RALGPS2: variants seen among roughly 807,000 people sequenced by gnomAD.
RALGPS2 encodes the protein ras-specific guanine nucleotide-releasing factor RalGPS2.
RALGPS2 carries 43 observed loss-of-function variants against 86.8 expected under a neutral mutation model. The observed-to-expected ratio is 0.50, with a 90% CI of 0.39 to 0.64. The LOEUF is 0.64. Among genes scored for constraint, RALGPS2 ranks in the 30% least tolerant of loss-of-function variants. The pLI, the probability that RALGPS2 is intolerant of heterozygous loss-of-function variation, is 0.00. For missense variants in RALGPS2, 536 were observed against 694.6 expected, an observed-to-expected ratio of 0.77 and a Z score of 2.57; for synonymous variants, 243 against 231.3, an observed-to-expected ratio of 1.05 and a Z score of -0.46.
intron 1 of RALGPS2, among the ~76,000 whole-genome samples, chr1:178,729,750 T>C (rs893456153): frequency 1.3e-5 from 2 of 152,198 alleles, no homozygotes; most frequent in Non-Finnish European, 2.9e-5. Flanking sequence ...TTCAACAAAA[T>C]TTGAAATCTG....
At chr1:178,834,302 G>A (rs1029742071) in intron 8 of RALGPS2, among the ~76,000 whole-genome samples, 1 of 152,078 alleles carries the variant, frequency 6.6e-6, no homozygotes, top group Non-Finnish European at 1.5e-5. Context: ...TGAAGATTTG[G>A]TGCTTTCTGG....
Position 178,889,683 on chromosome 1 carries a change from C to T in RALGPS2, c.1234C>T (p.Pro412Ser). 1 of 1,605,160 alleles carries T rather than the reference C, an allele frequency of 6.2e-7. No homozygotes were observed. Among genetic ancestry groups the T allele is most frequent in the Non-Finnish European group, 8.5e-7 (1 of 1,174,952 alleles). The change falls in exon 14 of 20, where the codon CCT becomes TCT. Residue 412 changes from proline to serine, a missense_variant. Coordinates refer to ENST00000367635, the MANE Select transcript of RALGPS2 (RefSeq NM_152663.5). ...TGAACTAAGTGAAGAGACCTCATGG[C>T]CTGCTTTTGAAAGGTAAGATAAATT... ...GSELSEETSWPAFERNRLYHS... is the reference protein window; with the variant it reads ...GSELSEETSWSAFERNRLYHS...
chr1:178,727,228 C>T (rs905536506), intron 1 of RALGPS2, among the ~76,000 whole-genome samples: 2 of 150,900 alleles, frequency 1.3e-5, no homozygotes, highest in African/African-American at 2.5e-5. Context: ...CATTATATTC[C>T]ACTTTTTTTT....
intron 8 of RALGPS2, among the ~76,000 whole-genome samples, chr1:178,837,245 C>T (rs886179098): frequency 1.3e-5 from 2 of 152,036 alleles, no homozygotes; most frequent in African/African-American, 4.8e-5. Context: ...TCCCTGGGGC[C>T]GTCTAACATT....
chr1:178,750,058 C>T (rs1651567237), intron 1 of RALGPS2, among the ~76,000 whole-genome samples: 1 of 152,120 alleles, frequency 6.6e-6, no homozygotes. Flanking sequence ...TTACAGTGAG[C>T]CAGTATCACG....
chr1:178,774,788 C>T (rs572899948), intron 1 of RALGPS2, among the ~76,000 whole-genome samples: 12 of 152,234 alleles, frequency 7.9e-5, no homozygotes, highest in Admixed American at 7.2e-4. Context: ...AATCCTAGCA[C>T]GATGTTCTGC....
chr1:178,875,439 G>A (rs908791102), intron 8 of RALGPS2, among the ~76,000 whole-genome samples: 1 of 152,120 alleles, frequency 6.6e-6, no homozygotes, highest in African/African-American at 2.4e-5. Context: ...TGTTTTATAA[G>A]TAGGGGAGAT....
chr1:178,830,904 GA>G (rs890696376), intron 7 of RALGPS2, among the ~76,000 whole-genome samples: 1 of 151,226 alleles, frequency 6.6e-6, no homozygotes, highest in Admixed American at 6.6e-5. Flanking sequence ...AACGAAAAAA[GA>G]AAAAAAATAG....
intron 4 of RALGPS2, among the ~76,000 whole-genome samples, chr1:178,804,038 T>C (rs887419826): frequency 6.6e-6 from 1 of 151,784 alleles, no homozygotes; most frequent in African/African-American, 2.4e-5. Flanking sequence ...TCTTAACTGT[T>C]TCCTCAATCT....
chr1:178,863,836 G>A (rs1402199135), intron 8 of RALGPS2, among the ~76,000 whole-genome samples: 4 of 152,200 alleles, frequency 2.6e-5, no homozygotes, highest in Non-Finnish European at 5.9e-5. Flanking sequence ...GCTGTGAATA[G>A]CGAAGTGGTA....
intron 1 of RALGPS2, among the ~76,000 whole-genome samples, chr1:178,751,718 A>G (rs1454678932): frequency 6.6e-6 from 1 of 152,202 alleles, no homozygotes; most frequent in African/African-American, 2.4e-5. Context: ...GTGTATCTTC[A>G]GAGACCTAGT....
rs1335453365 is a variant in RALGPS2 at position 178,776,685 on chromosome 1, T to C, written c.-80T>C. The C allele has an allele frequency of 6.2e-6, 6 of 974,676 alleles. No homozygotes were observed. Among genetic ancestry groups the C allele is most frequent in the Non-Finnish European group, 9.0e-6 (6 of 663,022 alleles). 60.4% of individuals were successfully genotyped at this position (974,676 alleles called of 1,614,324 possible). On this transcript the variant is annotated 5_prime_UTR_variant, in exon 2 of 20. Transcript: ENST00000367635. Reference sequence around the variant, plus strand: ...TAACTTTTTTTTTTTTTTACAGGAATAATGTATTTGTGGCCTTGGACATGA... The same window carrying C: ...TAACTTTTTTTTTTTTTTACAGGAACAATGTATTTGTGGCCTTGGACATGA...
chr1:178,805,552 T>C (rs1386858519), intron 4 of RALGPS2, among the ~76,000 whole-genome samples: 6 of 152,110 alleles, frequency 3.9e-5, no homozygotes, highest in Admixed American at 1.3e-4. Context: ...TCCCCATTGC[T>C]TGTTTTTCTC....
chr1:178,900,426 A>G (rs1485804267), intron 17 of RALGPS2, among the ~76,000 whole-genome samples: 1 of 151,930 alleles, frequency 6.6e-6, no homozygotes, highest in Non-Finnish European at 1.5e-5. Context: ...ATTGGTCATG[A>G]TATGGGGAAA....
At chr1:178,774,705 C>G (rs1652991908) in intron 1 of RALGPS2, among the ~76,000 whole-genome samples, 1 of 152,130 alleles carries the variant, frequency 6.6e-6, no homozygotes, top group Non-Finnish European at 1.5e-5. Context: ...TATTCATTTT[C>G]ACGTTGATTT....
chr1:178,808,581 T>C (rs1414163812), intron 5 of RALGPS2, among the ~76,000 whole-genome samples: 1 of 152,168 alleles, frequency 6.6e-6, no homozygotes, highest in African/African-American at 2.4e-5. Context: ...ATTCTTAAAG[T>C]GGTTTTTTCA....
chr1:178,771,251 A>G (rs1243901941), intron 1 of RALGPS2, among the ~76,000 whole-genome samples: 2 of 152,190 alleles, frequency 1.3e-5, no homozygotes, highest in South Asian at 2.1e-4. Context: ...TAAAGCATTT[A>G]CTACCATCCA....
chr1:178,890,872 T>G (rs977473737), intron 14 of RALGPS2, among the ~76,000 whole-genome samples: 1 of 152,054 alleles, frequency 6.6e-6, no homozygotes, highest in African/African-American at 2.4e-5. Context: ...ATCTGTTCAT[T>G]TGGGTTTGCC....
chr1:178,883,419 CAA>C, intron 10 of RALGPS2, 45 bp from the exon 11 acceptor site: 1 of 1,388,264 alleles, frequency 7.2e-7, no homozygotes, highest in Non-Finnish European at 1.0e-6. Context: ...CTTATTTTGT[CAA>C]ATGTTAATTA....
Sources: allele counts gnomAD v4.1 joint callset (sites outside exome capture counted in the v4.1 genomes callset), GRCh38; gene constraint gnomAD v4.1.1; transcripts MANE v1.5; gene names NCBI Gene and HGNC (gene_info 2026-07-23, HGNC 2026-07-21).